Variants in RBMS2 observed in about 807,000 individuals in gnomAD.
RBMS2 encodes RNA binding motif single stranded interacting protein 2, also known as RNA-binding motif, single-stranded-interacting protein 2.
A neutral mutation model predicts 58.4 loss-of-function variants in RBMS2; 38 were observed. The ratio of observed to expected loss-of-function variants is 0.65; its 90% CI spans 0.50 to 0.85. RBMS2 has a LOEUF of 0.85. RBMS2 is among the 40% of genes least tolerant of loss of function. RBMS2 has a pLI of 0.00. For missense variants in RBMS2, 367 were observed against 503.7 expected, an observed-to-expected ratio of 0.73 and a Z score of 2.60; for synonymous variants, 151 against 180.7, an observed-to-expected ratio of 0.84 and a Z score of 1.32.
chr12:56,526,021 T>C (rs1270885366), intron 1 of RBMS2, among the ~76,000 whole-genome samples: 2 of 151,990 alleles, frequency 1.3e-5, no homozygotes, highest in East Asian at 3.9e-4. Flanking sequence ...AAAGTTATTG[T>C]AAAAATTTAA....
rs776900194 is a variant in RBMS2 at position 56,568,940 on chromosome 12, C to T, written c.234-35C>T. On this transcript the variant is annotated intron_variant, in intron 2 of 13. Transcript: ENST00000262031. Reference sequence around the variant, plus strand: ...TCTGTCCTATTCTTAGTCTCTGCCCCCCAGATTATTACTTTGCATTTTCCT... The same window carrying T: ...TCTGTCCTATTCTTAGTCTCTGCCCTCCAGATTATTACTTTGCATTTTCCT... 20 of 1,547,172 alleles carry T rather than the reference C, an allele frequency of 1.3e-5. No homozygotes were observed. In the South Asian group the frequency reaches 2.2e-4, roughly 17 times the overall value.
chr12:56,577,768 T>C (rs1883353827), intron 5 of RBMS2, among the ~76,000 whole-genome samples: 1 of 152,028 alleles, frequency 6.6e-6, no homozygotes, highest in Non-Finnish European at 1.5e-5. Flanking sequence ...TGGCAACCTC[T>C]GCCTCCCAGG....
Position 56,595,731 on chromosome 12 carries a change from T to C in RBMS2, c.*6598T>C, listed in dbSNP as rs974664903. ...CTCACAAGGCAGGACCTGGATGCAC[T>C]GAATCCCCCTTTGCTCCAGCAACTC... On this transcript the variant is annotated 3_prime_UTR_variant, in exon 14 of 14. Transcript: ENST00000262031. 1.3e-5 allele frequency: 2 copies of C among 152,562 alleles called. No individual in the cohort carries two copies. Among genetic ancestry groups the C allele is most frequent in the Non-Finnish European group, 2.9e-5 (2 of 68,064 alleles). The allele number at this position is 152,562 out of a possible 1,614,324, so 9.5% of individuals were successfully genotyped here.
chr12:56,565,436 G>A (rs1881180741), intron 2 of RBMS2, among the ~76,000 whole-genome samples: 1 of 151,598 alleles, frequency 6.6e-6, no homozygotes, highest in South Asian at 2.1e-4. Context: ...TTCAATCCAT[G>A]GCTGGTTCAA....
chr12:56,522,210 C>A, intron 1 of RBMS2, 121 bp downstream of exon 1: 1 of 745,614 alleles, frequency 1.3e-6, no homozygotes, highest in Non-Finnish European at 2.2e-6. Context: ...ATTCCTAATT[C>A]CTCACCGCGC....
intron 7 of RBMS2, 114 bp downstream of exon 7, chr12:56,581,622 T>C (rs1057337780): frequency 3.3e-6 from 4 of 1,221,576 alleles, no homozygotes; most frequent in East Asian, 2.4e-5. Flanking sequence ...CAGTACGTAA[T>C]TGAGAAATGC....
In RBMS2 at chr12:56,581,168, C is replaced by G; in HGVS notation, c.543-16C>G. 6.4e-7 allele frequency: 1 copy of G among 1,570,780 alleles called. No homozygotes were observed. On this transcript the variant is annotated splice_polypyrimidine_tract_variant and intron_variant, in intron 5 of 13. Coordinates refer to ENST00000262031, the MANE Select transcript of RBMS2 (RefSeq NM_002898.4). The stretch of plus-strand genomic sequence containing the variant: ...TCCTGGAGAAGCTAGAGCCTAACCC[C>G]TCTTATGCTCCTTAGGATGGAGTCC...
intron 1 of RBMS2, among the ~76,000 whole-genome samples, chr12:56,525,058 T>C (rs1363300872): frequency 6.6e-6 from 1 of 151,780 alleles, no homozygotes; most frequent in Non-Finnish European, 1.5e-5. Flanking sequence ...ATTTTTTTCC[T>C]CAACACTAGA....
rs777316431 is a variant in RBMS2, at chr12:56,581,245, A to G, written c.604A>G (p.Thr202Ala). The G allele has an allele frequency of 6.8e-6, 11 of 1,606,202 alleles. No individual in the cohort carries two copies. Among genetic ancestry groups the G allele is most frequent in the Middle Eastern group, 3.3e-4 (2 of 6,050 alleles). Residue 202 changes from threonine (T) to alanine (A), a missense_variant, in exon 6 of 14, where the codon ACA (threonine) becomes GCA (alanine). By Grantham distance (58) the Thr-to-Ala change is moderately conservative (BLOSUM62 0). This residue lies in a region of RBMS2 where 220 missense variants were observed against 261.1 expected (regional missense o/e 0.84). Transcript: ENST00000262031. Reference sequence around the variant, plus strand: ...CCACTTTAATGGAAAATATATTAAGACACCCCCTGGAGTACCAGGTGAGGC... The same window carrying G: ...CCACTTTAATGGAAAATATATTAAGGCACCCCCTGGAGTACCAGGTGAGGC... ...ITHFNGKYIK[T>A]PPGVPAPSDP...
chr12:56,531,050 C>T, intron 1 of RBMS2, among the ~76,000 whole-genome samples: 1 of 152,090 alleles, frequency 6.6e-6, no homozygotes, highest in Admixed American at 6.6e-5. Context: ...ATTTCCCAGC[C>T]CCAGAGGGGA....
intron 5 of RBMS2, among the ~76,000 whole-genome samples, chr12:56,575,517 C>G (rs962522001): frequency 1.3e-5 from 2 of 151,780 alleles, no homozygotes; most frequent in South Asian, 4.1e-4. Flanking sequence ...AGCTATGGGC[C>G]CATAGGACCC....
chr12:56,538,260 T>C (rs1046017520), intron 1 of RBMS2, among the ~76,000 whole-genome samples: 1 of 151,894 alleles, frequency 6.6e-6, no homozygotes, highest in Non-Finnish European at 1.5e-5. Context: ...GTCGAACTCC[T>C]GGCCTCATGT....
At chr12:56,532,649 A>G (rs1036211108) in intron 1 of RBMS2, among the ~76,000 whole-genome samples, 4 of 152,288 alleles carry the variant, frequency 2.6e-5, no homozygotes, top group South Asian at 2.1e-4. Flanking sequence ...TGAAAGAGCT[A>G]TCTATTCAAG....
intron 1 of RBMS2, among the ~76,000 whole-genome samples, chr12:56,560,827 A>G (rs982016293): frequency 3.1e-4 from 47 of 152,146 alleles, no homozygotes; most frequent in Admixed American, 2.0e-3. Flanking sequence ...ATCTTGTGTC[A>G]TGGGGGTTTG....
chr12:56,571,323 G>A (rs1278474150), intron 4 of RBMS2, among the ~76,000 whole-genome samples: 1 of 152,196 alleles, frequency 6.6e-6, no homozygotes, highest in Non-Finnish European at 1.5e-5. Flanking sequence ...GTGGCTGGAA[G>A]AGAAGTGGGG....
At chr12:56,570,461 G>A (rs1439183562) in intron 4 of RBMS2, among the ~76,000 whole-genome samples, 1 of 152,218 alleles carries the variant, frequency 6.6e-6, no homozygotes, top group Non-Finnish European at 1.5e-5. Flanking sequence ...GGAGGAAACT[G>A]TCTCTTCTCA....
chr12:56,542,415 C>A (rs1282614969), intron 1 of RBMS2, among the ~76,000 whole-genome samples: 1 of 132,382 alleles, frequency 7.6e-6, no homozygotes, highest in Non-Finnish European at 1.6e-5. Flanking sequence ...AATCCCTTTA[C>A]CTGTTTTTTG....
Position 56,581,834 on chromosome 12 carries a change from G to T in RBMS2, c.734G>T (p.Gly245Val). ...GAACACTGTGTTCTTTCTTTATAGG[G>T]CGTCATGGCCTTGACCTATGACCCC... Reference protein sequence around the residue: ...GRAWPRNADMGVMALTYDPTT... With the variant: ...GRAWPRNADMVVMALTYDPTT... Residue 245 changes from glycine to valine, a missense_variant and splice_region_variant, in exon 8 of 14, where the codon GGC becomes GTC. Transcript: ENST00000262031. 6.2e-7 allele frequency: 1 copy of T among 1,614,094 alleles called. No homozygotes were observed. Among genetic ancestry groups the T allele is most frequent in the Non-Finnish European group, 8.5e-7 (1 of 1,179,998 alleles).
At chr12:56,540,364 T>C (rs115506068) in intron 1 of RBMS2, among the ~76,000 whole-genome samples, 1,917 of 152,260 alleles carry the variant, frequency 0.013, 51 homozygotes, top group African/African-American at 0.043. Flanking sequence ...TGTATTTACA[T>C]ATATGTATAT....
Sources: gnomAD v4.1 joint callset for allele counts (sites outside exome capture counted in the v4.1 genomes callset) on GRCh38, gnomAD v4.1.1 for gene constraint, gnomAD v4.1.1 regional missense constraint, MANE v1.5 for transcripts, NCBI Gene and HGNC (gene_info 2026-07-23, HGNC 2026-07-21) for gene names.